Variants in CD8A observed in about 807,000 individuals in gnomAD.
CD8A encodes T-cell surface glycoprotein CD8 alpha chain.
In CD8A, 25 loss-of-function variants were observed where a neutral mutation model predicts 24.2. The ratio of observed to expected loss-of-function variants is 1.03; its 90% CI spans 0.75 to 1.44. The LOEUF (loss-of-function observed/expected upper bound fraction) is 1.44. Among genes scored for constraint, CD8A ranks in the 40% most tolerant of loss-of-function variants. The pLI is 0.00. For missense variants in CD8A, 360 were observed against 319.7 expected, an observed-to-expected ratio of 1.13 and a Z score of -0.96; for synonymous variants, 165 against 149.9, an observed-to-expected ratio of 1.10 and a Z score of -0.74.
chr2:86,793,418 A>G (rs893456787), upstream of CD8A, among the ~76,000 whole-genome samples: 1 of 151,374 alleles, frequency 6.6e-6, no homozygotes, highest in Non-Finnish European at 1.5e-5. Context: ...CGATGTATGC[A>G]TGTGTGTGTG....
chr2:86,790,035 T>C (rs62146064), intron 2 of CD8A, among the ~76,000 whole-genome samples: 8,124 of 152,250 alleles, frequency 0.053, 275 homozygotes, highest in Non-Finnish European at 0.079. Context: ...CGCGGGTTGA[T>C]TGCTGTCCGC....
intron 2 of CD8A, among the ~76,000 whole-genome samples, chr2:86,802,771 C>T (rs372326139): frequency 2.6e-5 from 4 of 151,996 alleles, no homozygotes; most frequent in South Asian, 2.1e-4. Context: ...CCACCACACC[C>T]GACTAATTTT....
upstream of CD8A, chr2:86,791,730 C>G (rs887055454): frequency 6.8e-6 from 3 of 442,892 alleles, no homozygotes; most frequent in African/African-American, 6.0e-5. Context: ...CTCCCAGCCT[C>G]CGCACAGCCC....
rs10663115 is a variant in CD8A, at chr2:86,788,245, G to GTTTT, written c.656+281_656+284dup. On this transcript the variant is annotated intron_variant, in intron 5 of 5. Transcript: ENST00000283635. Reference sequence around the variant, plus strand: ...AGGATAAATTGGGGGAATCCCTCAGGTTTTTTTTTTTTTTTTTTGGAAGTG... The same window carrying GTTTT: ...AGGATAAATTGGGGGAATCCCTCAGGTTTTTTTTTTTTTTTTTTTTTTGGAAGTG... 9.0e-4 allele frequency among the ~76,000 whole-genome samples: 114 copies of GTTTT among 127,084 alleles called. 2 individuals are homozygous for GTTTT. The highest frequency in any genetic ancestry group is 7.8e-3 in the East Asian group (34 of 4,366). The allele number at this position is 127,084 out of a possible 152,430, so 83.4% of individuals were successfully genotyped here.
At chr2:86,796,229 T>C (rs1051377296) in intron 3 of CD8A, among the ~76,000 whole-genome samples, 1 of 152,278 alleles carries the variant, frequency 6.6e-6, no homozygotes, top group East Asian at 1.9e-4. Flanking sequence ...AGATGTATAT[T>C]AGCATGGTGA....
intron 5 of CD8A, 47 bp from the exon 6 acceptor site, chr2:86,786,018 T>A: frequency 1.3e-6 from 2 of 1,489,868 alleles, no homozygotes; most frequent in Non-Finnish European, 1.9e-6. Flanking sequence ...ACCCCGCCAG[T>A]GCAGCATCCA....
chr2:86,791,427 G>C, upstream of CD8A: 3 of 435,788 alleles, frequency 6.9e-6, no homozygotes, highest in Admixed American at 2.4e-5. Flanking sequence ...CCATGAGAGC[G>C]GCAGCAGCCG....
At chr2:86,796,204 T>C (rs1162807654) in intron 3 of CD8A, among the ~76,000 whole-genome samples, 3 of 152,290 alleles carry the variant, frequency 2.0e-5, no homozygotes, top group Admixed American at 2.0e-4. Context: ...CAGAAGCAGT[T>C]TGAAAAAGCT....
chr2:86,802,268 A>C (rs1259277682), intron 2 of CD8A, among the ~76,000 whole-genome samples: 3 of 151,870 alleles, frequency 2.0e-5, no homozygotes, highest in Non-Finnish European at 4.4e-5. Flanking sequence ...AAACTCCTGA[A>C]CTCTAGTAAT....
chr2:86,786,060 C>A (rs1414109870), intron 5 of CD8A, 89 bp from the exon 6 acceptor site: 1 of 1,051,018 alleles, frequency 9.5e-7, no homozygotes, highest in Non-Finnish European at 1.5e-6. Flanking sequence ...AATCCCCCAG[C>A]CTTTGAAAGG....
At chr2:86,800,060 C>T (rs1407215448) in intron 3 of CD8A, among the ~76,000 whole-genome samples, 1 of 151,702 alleles carries the variant, frequency 6.6e-6, no homozygotes, top group Non-Finnish European at 1.5e-5. Flanking sequence ...TGAGCTAAAT[C>T]TTTAGCTCCA....
At chr2:86,791,983 TTTCTC>T (rs1365143129), upstream of CD8A, among the ~76,000 whole-genome samples, 1 of 152,128 alleles carries the variant, frequency 6.6e-6, no homozygotes, top group East Asian at 1.9e-4. Context: ...TAGAGGCGGT[TTTCTC>T]TTTTCTGTCC....
intron 5 of CD8A, 24 bp from the exon 6 acceptor site, chr2:86,785,995 C>T: frequency 6.2e-7 from 1 of 1,607,156 alleles, no homozygotes; most frequent in East Asian, 2.2e-5. Context: ...AAGCGACCAT[C>T]ATTGTAGCCA....
intron 2 of CD8A, chr2:86,807,397 C>T (rs1673945340): frequency 2.6e-5 from 4 of 152,404 alleles, no homozygotes; most frequent in Admixed American, 2.6e-4. Flanking sequence ...TGCCCATAAG[C>T]AGAGCCATGC....
chr2:86,784,696 A>G lies in CD8A; in HGVS notation c.*1224T>C, dbSNP rs1406535791. 1 of 450,968 alleles carries G rather than the reference A, an allele frequency of 2.2e-6. No homozygotes were observed. Among genetic ancestry groups the G allele is most frequent in the Admixed American group, 2.4e-5 (1 of 42,198 alleles). 27.9% of individuals were successfully genotyped at this position (450,968 alleles called of 1,614,324 possible). A position where few individuals can be genotyped will look rare whatever the true frequency, so the allele number is the denominator to read the frequency against. On this transcript the variant is annotated 3_prime_UTR_variant, in exon 6 of 6. Transcript: ENST00000283635. ...CATAGTACAACCCTATTTAAAAAAG[A>G]AAGACATATTTTACATGTATGTGTA...
chr2:86,787,019 C>CAAAAAAAAAA (rs745778659), intron 5 of CD8A, among the ~76,000 whole-genome samples: 16 of 36,550 alleles, frequency 4.4e-4, no homozygotes, highest in African/African-American at 1.7e-3. Flanking sequence ...GACTCCGTCT[C>CAAAAAAAAAA]AAAAAAAAAA....
At chr2:86,799,374 C>T (rs767209976) in intron 3 of CD8A, among the ~76,000 whole-genome samples, 2 of 152,156 alleles carry the variant, frequency 1.3e-5, no homozygotes, top group Non-Finnish European at 2.9e-5. Flanking sequence ...AATAAAAAGA[C>T]AAATCCAAAC....
In CD8A at chr2:86,785,176, G is replaced by T. The variant is rs1217796313; in HGVS notation, c.*744C>A. 2.2e-6 allele frequency: 1 copy of T among 453,932 alleles called. No homozygotes were observed. The highest frequency in any genetic ancestry group is 4.4e-6 in the Non-Finnish European group (1 of 226,770). The allele number at this position is 453,932 out of a possible 1,614,324, so 28.1% of individuals were successfully genotyped here. A position where few individuals can be genotyped will look rare whatever the true frequency, so the allele number is the denominator to read the frequency against. On this transcript the variant is annotated 3_prime_UTR_variant, in exon 6 of 6. Transcript: ENST00000283635. ...AGAGCAATTCCGCCTCCACATAGGGGTTTCACAGAGATTTTCTTTAGAGAT... is the reference window on the plus strand; with the variant it reads ...AGAGCAATTCCGCCTCCACATAGGGTTTTCACAGAGATTTTCTTTAGAGAT...
chr2:86,801,281 G>GCCTC (rs1041595789), intron 3 of CD8A, among the ~76,000 whole-genome samples: 1 of 150,754 alleles, frequency 6.6e-6, no homozygotes, highest in African/African-American at 2.4e-5. Flanking sequence ...CTCCCTCCCT[G>GCCTC]CCTCCCTCCC....
Sources: allele counts gnomAD v4.1 joint callset (sites outside exome capture counted in the v4.1 genomes callset), GRCh38; gene constraint gnomAD v4.1.1; transcripts MANE v1.5; gene names NCBI Gene and HGNC (gene_info 2026-07-23, HGNC 2026-07-21).